NRXN1: variants seen among roughly 807,000 people sequenced by gnomAD.
NRXN1 encodes the protein neurexin-1.
In NRXN1, 39 loss-of-function variants were observed where a neutral mutation model predicts 150.9. The ratio of observed to expected loss-of-function variants is 0.26; its 90% CI spans 0.20 to 0.34. NRXN1 has a LOEUF of 0.34. Among genes scored for constraint, NRXN1 ranks in the 10% least tolerant of loss-of-function variants. The probability of loss-of-function intolerance (pLI) is 1.00; values close to 1 mark genes in which losing one functional copy is unlikely to be tolerated. For synonymous variants in NRXN1, 924 were observed against 757.0 expected, an observed-to-expected ratio of 1.22 and a Z score of -3.62; for missense variants, 1,815 against 1,949.9, an observed-to-expected ratio of 0.93 and a Z score of 1.30.
chr2:50,171,687 T>A (rs1311385044), intron 18 of NRXN1, among the ~76,000 whole-genome samples: 3 of 152,130 alleles, frequency 2.0e-5, no homozygotes, highest in Non-Finnish European at 4.4e-5. Context: ...CCACTAAAAT[T>A]ATAATTCTTT....
At chr2:50,348,784 T>C (rs1158390480) in intron 17 of NRXN1, among the ~76,000 whole-genome samples, 1 of 152,144 alleles carries the variant, frequency 6.6e-6, no homozygotes, top group African/African-American at 2.4e-5. Context: ...GATTTAAACA[T>C]TTCCCTGATT....
chr2:50,651,670 G>C (rs973994708), intron 5 of NRXN1, among the ~76,000 whole-genome samples: 4 of 151,932 alleles, frequency 2.6e-5, no homozygotes, highest in African/African-American at 9.7e-5. Flanking sequence ...AAGAAAGAAA[G>C]AAAGAATGTT....
intron 2 of NRXN1, among the ~76,000 whole-genome samples, chr2:50,956,635 C>A (rs887491230): frequency 2.0e-5 from 3 of 151,638 alleles, no homozygotes; most frequent in African/African-American, 7.3e-5. Flanking sequence ...ATAGTGCCAG[C>A]GACTCAGGAG....
chr2:50,651,132 A>T (rs556937149), intron 5 of NRXN1, among the ~76,000 whole-genome samples: 3 of 152,010 alleles, frequency 2.0e-5, no homozygotes, highest in African/African-American at 7.2e-5. Flanking sequence ...CTTGAAATTA[A>T]GTTCTGGAAA....
chr2:49,980,221 C>T (rs963874533), intron 21 of NRXN1, among the ~76,000 whole-genome samples: 1 of 152,138 alleles, frequency 6.6e-6, no homozygotes, highest in East Asian at 1.9e-4. Context: ...TGCATAAGAA[C>T]CAACAAGGCA....
At chr2:50,696,245 AC>A (rs1692842898) in intron 5 of NRXN1, 1 of 152,448 alleles carries the variant, frequency 6.6e-6, no homozygotes, top group Non-Finnish European at 1.5e-5. Context: ...ACACACACAC[AC>A]ACACGTATAT....
At chr2:50,956,736 A>ATAT (rs1393203773) in intron 2 of NRXN1, among the ~76,000 whole-genome samples, 7 of 151,574 alleles carry the variant, frequency 4.6e-5, no homozygotes, top group African/African-American at 1.5e-4. Context: ...AATAATAATA[A>ATAT]TAATAAATTT....
intron 18 of NRXN1, among the ~76,000 whole-genome samples, chr2:50,131,297 A>G (rs775529297): frequency 1.2e-4 from 19 of 152,210 alleles, no homozygotes; most frequent in Non-Finnish European, 2.4e-4. Context: ...TTCAAGGACT[A>G]TCCATCTGTT....
chr2:50,083,916 G>C (rs1421390153), intron 19 of NRXN1, among the ~76,000 whole-genome samples: 1 of 151,970 alleles, frequency 6.6e-6, no homozygotes, highest in Admixed American at 6.6e-5. Flanking sequence ...GTCCGCACCA[G>C]ATCAGCTAGA....
At position 50,046,398 on chromosome 2, in the gene NRXN1, A is replaced by G. The variant is rs17442571; in HGVS notation, c.4128+6873T>C. On this transcript the variant is annotated intron_variant, in intron 21 of 22. Coordinates refer to ENST00000401669, the MANE Select transcript of NRXN1 (RefSeq NM_001330078.2). ...ATTGATGTGCTGCTGAAGAAACATA[A>G]ATTCACAGCTACTCTTCAAGGGCAG... is the stretch of plus-strand genomic sequence containing the variant. Among the ~76,000 whole-genome samples, 666 of 152,272 alleles carry G rather than the reference A, an allele frequency of 4.4e-3. 1 individual carries two copies. The highest frequency in any genetic ancestry group is 0.017 in the Middle Eastern group (5 of 294).
At chr2:50,333,665 T>A (rs1334109061) in intron 17 of NRXN1, among the ~76,000 whole-genome samples, 1 of 151,924 alleles carries the variant, frequency 6.6e-6, no homozygotes, top group African/African-American at 2.4e-5. Context: ...GCAGGCATGT[T>A]AAGTGTGAAA....
chr2:50,092,468 G>A (rs761550699), intron 18 of NRXN1, among the ~76,000 whole-genome samples: 3 of 152,258 alleles, frequency 2.0e-5, no homozygotes, highest in Admixed American at 6.5e-5. Flanking sequence ...ACCTCAAACT[G>A]TCTGTGGTTC....
intron 21 of NRXN1, among the ~76,000 whole-genome samples, chr2:50,051,723 C>T (rs1007806158): frequency 2.6e-5 from 4 of 152,082 alleles, no homozygotes; most frequent in Non-Finnish European, 5.9e-5. Context: ...AAAAGGATCA[C>T]ATTGCAGGCA....
At chr2:50,448,015 G>C (rs1194194839) in intron 17 of NRXN1, among the ~76,000 whole-genome samples, 2 of 151,572 alleles carry the variant, frequency 1.3e-5, no homozygotes, top group Non-Finnish European at 1.5e-5. Context: ...AATTATACTA[G>C]GAAATGTACT....
At chr2:50,519,570 C>G (rs772263120) in intron 12 of NRXN1, among the ~76,000 whole-genome samples, 1 of 151,902 alleles carries the variant, frequency 6.6e-6, no homozygotes, top group Non-Finnish European at 1.5e-5. Context: ...TTCCTTGGAA[C>G]TGGTCAAACC....
intron 5 of NRXN1, among the ~76,000 whole-genome samples, chr2:50,662,057 T>C (rs1456967220): frequency 6.6e-6 from 1 of 152,006 alleles, no homozygotes; most frequent in Non-Finnish European, 1.5e-5. Context: ...TTTTCAAGAG[T>C]CTGAGGGTAC....
chr2:50,378,507 T>C (rs1354126342), intron 17 of NRXN1, among the ~76,000 whole-genome samples: 2 of 152,054 alleles, frequency 1.3e-5, no homozygotes, highest in Non-Finnish European at 2.9e-5. Context: ...CGTGATTAGG[T>C]GGTTTACTGG....
intron 21 of NRXN1, among the ~76,000 whole-genome samples, chr2:49,968,446 T>G (rs1034729951): frequency 2.0e-5 from 3 of 152,226 alleles, no homozygotes; most frequent in Non-Finnish European, 2.9e-5. Flanking sequence ...GAAATCAGTA[T>G]GTTGTCCTGA....
At chr2:50,641,697 G>C (rs1361740596) in intron 5 of NRXN1, among the ~76,000 whole-genome samples, 1 of 152,076 alleles carries the variant, frequency 6.6e-6, no homozygotes, top group Admixed American at 6.6e-5. Flanking sequence ...TGGCGACTGG[G>C]AAGAATAATT....
Sources: allele counts gnomAD v4.1 joint callset (sites outside exome capture counted in the v4.1 genomes callset), GRCh38; gene constraint gnomAD v4.1.1; transcripts MANE v1.5; gene names NCBI Gene and HGNC (gene_info 2026-07-23, HGNC 2026-07-21).